Variants in FBXO34 observed in about 807,000 individuals in gnomAD.
FBXO34 encodes F-box only protein 34.
FBXO34 carries 12 observed loss-of-function variants against 24.5 expected under a neutral mutation model. The ratio of observed to expected loss-of-function variants is 0.49; its 90% CI spans 0.31 to 0.79. The LOEUF is 0.79. Among genes scored for constraint, FBXO34 ranks in the 30% least tolerant of loss-of-function variants. The probability of loss-of-function intolerance (pLI) is 0.04; values close to 1 mark genes in which losing one functional copy is unlikely to be tolerated. For synonymous variants in FBXO34, 320 were observed against 311.9 expected, an observed-to-expected ratio of 1.03 and a Z score of -0.27; for missense variants, 823 against 857.7, an observed-to-expected ratio of 0.96 and a Z score of 0.51.
At chr14:55,432,696 A>G in the FBXO34 span, among the ~76,000 whole-genome samples, 1 of 152,232 alleles carries the variant, frequency 6.6e-6, no homozygotes, top group African/African-American at 2.4e-5. Flanking sequence ...CCCAGTGTCC[A>G]CAGGATAAAA....
At chr14:55,419,838 G>C in the FBXO34 span, among the ~76,000 whole-genome samples, 1 of 152,192 alleles carries the variant, frequency 6.6e-6, no homozygotes, top group Non-Finnish European at 1.5e-5. Flanking sequence ...ATTTTCTACA[G>C]TCAGACTCAA....
At chr14:55,341,673 T>C (rs1594761878) in intron 1 of FBXO34, among the ~76,000 whole-genome samples, 2 of 152,354 alleles carry the variant, frequency 1.3e-5, no homozygotes, top group East Asian at 3.9e-4. Flanking sequence ...TTTAACTTTT[T>C]ATGAGGTTTC....
intron 1 of FBXO34, among the ~76,000 whole-genome samples, chr14:55,299,398 G>A (rs559242337): frequency 2.0e-5 from 3 of 151,384 alleles, no homozygotes; most frequent in Middle Eastern, 3.4e-3. Flanking sequence ...GGGTGGGGGC[G>A]GGTAGAGGGG....
chr14:55,290,763 C>T (rs1881919503), intron 1 of FBXO34, among the ~76,000 whole-genome samples: 1 of 152,162 alleles, frequency 6.6e-6, no homozygotes, highest in Non-Finnish European at 1.5e-5. Flanking sequence ...GAAATGCAGT[C>T]TTTATTATCT....
chr14:55,365,809 C>T (rs533505914), downstream of FBXO34, among the ~76,000 whole-genome samples: 1 of 152,252 alleles, frequency 6.6e-6, no homozygotes, highest in South Asian at 2.1e-4. Flanking sequence ...GGCAATAGCT[C>T]CTGAGGGTAT....
downstream of FBXO34, among the ~76,000 whole-genome samples, chr14:55,370,405 C>T (rs953451553): frequency 3.6e-5 from 3 of 83,566 alleles, no homozygotes; most frequent in African/African-American, 1.0e-4. Flanking sequence ...AAAAATATCA[C>T]CACAATTTTC....
intron 1 of FBXO34, among the ~76,000 whole-genome samples, chr14:55,316,806 T>G (rs1447730983): frequency 6.6e-6 from 1 of 152,084 alleles, no homozygotes; most frequent in Non-Finnish European, 1.5e-5. Context: ...AGTCCACGGC[T>G]CTGCATGACT....
chr14:55,277,219 C>G (rs558566423), intron 1 of FBXO34, among the ~76,000 whole-genome samples: 4 of 152,338 alleles, frequency 2.6e-5, no homozygotes, highest in South Asian at 4.1e-4. Flanking sequence ...ACTACTTGTT[C>G]AAATGGTCTA....
At chr14:55,416,963 T>TAG in the FBXO34 span, among the ~76,000 whole-genome samples, 1 of 152,144 alleles carries the variant, frequency 6.6e-6, no homozygotes, top group South Asian at 2.1e-4. Context: ...AGCTCAGGAG[T>TAG]AGAGCATTGG....
Position 55,350,738 on chromosome 14 carries a change from C to T in FBXO34, c.348C>T (p.Thr116=), listed in dbSNP as rs754466706. The T allele has an allele frequency of 2.5e-6, 4 of 1,608,464 alleles. No homozygotes were observed. The highest frequency in any genetic ancestry group is 2.2e-5 in the East Asian group (1 of 44,876). ...GGGCTGTTGTGAAACCTGGAAATAC[C>T]AAGGAAAAAATTGCATTCTTTGCAT... The part of the protein sequence containing the change: ...DIWAVVKPGN[T]KEKIAFFASH... Residue 116 remains threonine, a synonymous_variant, in exon 2 of 2, where the codon ACC becomes ACT. Coordinates refer to ENST00000313833, the MANE Select transcript of FBXO34 (RefSeq NM_017943.4).
the FBXO34 span, chr14:55,396,023 T>A: frequency 1.3e-6 from 2 of 1,485,094 alleles, no homozygotes; most frequent in Non-Finnish European, 1.8e-6. Flanking sequence ...TTAAAAATAA[T>A]AAAATTCTGT....
In FBXO34 at chr14:55,351,686, T is replaced by A. The variant is rs746581848; in HGVS notation, c.1296T>A (p.Val432=). The A allele has an allele frequency of 6.2e-7, 1 of 1,614,222 alleles. No homozygotes were observed. The highest frequency in any genetic ancestry group is 2.2e-5 in the East Asian group (1 of 44,886). The change falls in exon 2 of 2, where the codon GTT becomes GTA. Residue 432 remains valine (V), a synonymous_variant. Coordinates refer to ENST00000313833, the MANE Select transcript of FBXO34 (RefSeq NM_017943.4). The stretch of plus-strand genomic sequence containing the variant: ...CCTCTGAATTGCCCACAGATGCTGT[T>A]GATTGTATGAGCAGAGAGCTTGTGT... ...SQASELPTDA[V]DCMSRELVSL...
chr14:55,315,142 A>G (rs1192160737), intron 1 of FBXO34, among the ~76,000 whole-genome samples: 5 of 152,262 alleles, frequency 3.3e-5, no homozygotes, highest in Non-Finnish European at 7.3e-5. Flanking sequence ...CTGAAAGTGC[A>G]TGTTAAGATT....
At chr14:55,296,391 G>GTTT (rs1167344634) in intron 1 of FBXO34, among the ~76,000 whole-genome samples, 124 of 64,718 alleles carry the variant, frequency 1.9e-3, no homozygotes, top group South Asian at 2.8e-3. Flanking sequence ...TGTTTTTTTT[G>GTTT]TTTTTTTTTT....
intron 1 of FBXO34, among the ~76,000 whole-genome samples, chr14:55,340,329 C>CT (rs1331654885): frequency 6.6e-6 from 1 of 152,020 alleles, no homozygotes; most frequent in African/African-American, 2.4e-5. Flanking sequence ...ACTGCAACCT[C>CT]TAACTCCTGG....
chr14:55,393,104 G>A, the FBXO34 span, among the ~76,000 whole-genome samples: 1 of 152,170 alleles, frequency 6.6e-6, no homozygotes, highest in East Asian at 1.9e-4. Flanking sequence ...ATATATGACT[G>A]GGCGCGGTGG....
At chr14:55,290,354 T>C (rs1881903019) in intron 1 of FBXO34, among the ~76,000 whole-genome samples, 1 of 151,548 alleles carries the variant, frequency 6.6e-6, no homozygotes, top group Non-Finnish European at 1.5e-5. Context: ...ATCGAGCCAT[T>C]GCACTCAAGC....
chr14:55,375,373 G>T, the FBXO34 span, among the ~76,000 whole-genome samples: 1 of 152,012 alleles, frequency 6.6e-6, no homozygotes, highest in African/African-American at 2.4e-5. Flanking sequence ...CTGTCATCCA[G>T]GTTGGAGTGC....
chr14:55,307,278 A>G (rs1238685475), intron 1 of FBXO34, among the ~76,000 whole-genome samples: 2 of 152,160 alleles, frequency 1.3e-5, no homozygotes, highest in African/African-American at 2.4e-5. Flanking sequence ...TGGACTACCT[A>G]CTGTATTTTC....
Sources: allele counts gnomAD v4.1 joint callset (sites outside exome capture counted in the v4.1 genomes callset), GRCh38; gene constraint gnomAD v4.1.1; transcripts MANE v1.5; gene names NCBI Gene and HGNC (gene_info 2026-07-23, HGNC 2026-07-21).